Variants in AGBL1 observed in about 807,000 individuals in gnomAD.
AGBL1 encodes AGBL carboxypeptidase 1, also known as cytosolic carboxypeptidase 4.
A neutral mutation model predicts 118.9 loss-of-function variants in AGBL1; 130 were observed. The observed-to-expected ratio is 1.09, with a 90% CI of 0.95 to 1.26. The LOEUF is 1.26. Ranked by LOEUF, AGBL1 falls within the 50% of genes most tolerant of loss-of-function variation. The pLI, the probability that AGBL1 is intolerant of heterozygous loss-of-function variation, is 0.00. For synonymous variants in AGBL1, 555 were observed against 478.9 expected, an observed-to-expected ratio of 1.16 and a Z score of -2.08; for missense variants, 1,584 against 1,298.1, an observed-to-expected ratio of 1.22 and a Z score of -3.38.
At chr15:86,789,693 G>A (rs766281230) in intron 22 of AGBL1, among the ~76,000 whole-genome samples, 3 of 152,116 alleles carry the variant, frequency 2.0e-5, no homozygotes, top group Admixed American at 6.5e-5. Context: ...TTTGAAACAC[G>A]TGTAAGTTTT....
At chr15:86,966,101 A>G (rs1467404456) in intron 23 of AGBL1, among the ~76,000 whole-genome samples, 1 of 152,026 alleles carries the variant, frequency 6.6e-6, no homozygotes, top group Admixed American at 6.6e-5. Flanking sequence ...AATTTTGCCC[A>G]TCTGGGCCAT....
At chr15:86,591,646 C>G (rs1044859613) in intron 21 of AGBL1, among the ~76,000 whole-genome samples, 3 of 152,144 alleles carry the variant, frequency 2.0e-5, no homozygotes, top group African/African-American at 4.8e-5. Flanking sequence ...GAGCTTCCAT[C>G]CCCTCTCTAG....
At chr15:86,251,648 C>A (rs2078817348) in intron 7 of AGBL1, among the ~76,000 whole-genome samples, 1 of 152,074 alleles carries the variant, frequency 6.6e-6, no homozygotes, top group East Asian at 1.9e-4. Flanking sequence ...GGTGACCCTA[C>A]CTCTCTGTTT....
At chr15:86,848,384 T>C (rs1400000601) in intron 22 of AGBL1, among the ~76,000 whole-genome samples, 1 of 152,210 alleles carries the variant, frequency 6.6e-6, no homozygotes, top group Non-Finnish European at 1.5e-5. Flanking sequence ...CAATAAATTA[T>C]TTTGGAAAGA....
At chr15:86,291,175 A>T (rs917856903) in intron 16 of AGBL1, among the ~76,000 whole-genome samples, 1 of 152,264 alleles carries the variant, frequency 6.6e-6, no homozygotes, top group East Asian at 1.9e-4. Context: ...GAGCTTTTGT[A>T]TGTCTGAGCA....
At chr15:86,703,514 A>G (rs1007745533) in intron 22 of AGBL1, among the ~76,000 whole-genome samples, 2 of 152,160 alleles carry the variant, frequency 1.3e-5, no homozygotes, top group Non-Finnish European at 2.9e-5. Flanking sequence ...AAAAGCCTAG[A>G]ACAGTGCGAT....
chr15:86,211,476 C>T (rs73445692), intron 5 of AGBL1, among the ~76,000 whole-genome samples: 1,952 of 152,308 alleles, frequency 0.013, 40 homozygotes, highest in African/African-American at 0.044. Context: ...GGCCTTGCAG[C>T]GCTGCGGTGA....
intron 18 of AGBL1, among the ~76,000 whole-genome samples, chr15:86,465,090 G>A (rs754252962): frequency 3.3e-5 from 5 of 152,060 alleles, no homozygotes; most frequent in Non-Finnish European, 7.4e-5. Flanking sequence ...TCCGAACGGA[G>A]GGACCAGCTG....
At chr15:86,846,555 G>A (rs1217746831) in intron 22 of AGBL1, among the ~76,000 whole-genome samples, 4 of 152,000 alleles carry the variant, frequency 2.6e-5, no homozygotes, top group Admixed American at 6.6e-5. Context: ...GTTTTGAGAC[G>A]GAGTCTCCCT....
At chr15:86,757,735 C>T (rs1053679152) in intron 22 of AGBL1, among the ~76,000 whole-genome samples, 1 of 152,052 alleles carries the variant, frequency 6.6e-6, no homozygotes, top group African/African-American at 2.4e-5. Flanking sequence ...TCCTTTCTTT[C>T]CTCCCGCTGG....
chr15:86,956,104 G>C (rs1309596069), intron 23 of AGBL1, among the ~76,000 whole-genome samples: 2 of 151,964 alleles, frequency 1.3e-5, no homozygotes, highest in South Asian at 2.1e-4. Flanking sequence ...GACTATTAAT[G>C]GGTCCATTAA....
chr15:86,874,390 A>C (rs546973975), intron 22 of AGBL1, among the ~76,000 whole-genome samples: 1 of 151,996 alleles, frequency 6.6e-6, no homozygotes, highest in South Asian at 2.1e-4. Context: ...GGACACACAC[A>C]CACACACACA....
intron 22 of AGBL1, among the ~76,000 whole-genome samples, chr15:86,885,901 G>T (rs368886475): frequency 4.5e-4 from 69 of 152,126 alleles, no homozygotes; most frequent in Non-Finnish European, 1.6e-4. Context: ...CAACAAAAAG[G>T]CCTGTGTAAA....
Position 86,405,797 on chromosome 15 carries a change from C to T in AGBL1, c.2555+8251C>T, listed in dbSNP as rs115043037. ...TAGTACAAATCTAATACAAGGTTCG[C>T]GCAAGTGGTAGAAGTCTAAGTTCAA... is the stretch of plus-strand genomic sequence containing the variant. On this transcript the variant is annotated intron_variant, in intron 18 of 22. Transcript: ENST00000614907. Among the ~76,000 whole-genome samples, 716 of 151,712 alleles carry T rather than the reference C, an allele frequency of 4.7e-3. 7 individuals carry two copies. The highest frequency in any genetic ancestry group is 0.016 in the African/African-American group (680 of 41,318).
rs571522058 is a variant in AGBL1, at chr15:86,994,315, A to C, written c.3323+6227A>C. Among the ~76,000 whole-genome samples, 1,443 of 152,102 alleles carry C rather than the reference A, an allele frequency of 9.5e-3. 25 individuals carry two copies. Among genetic ancestry groups the C allele is most frequent in the Admixed American group, 0.035 (530 of 15,260 alleles). The stretch of plus-strand genomic sequence containing the variant: ...CAAGGGAATATCTCTCTCTCTCTAT[A>C]TATATATATCCTGGCCTGTGATCTC... On this transcript the variant is annotated intron_variant, in intron 24 of 24. Transcript: ENST00000441037.
intron 18 of AGBL1, among the ~76,000 whole-genome samples, chr15:86,401,275 G>A (rs529988504): frequency 2.0e-5 from 3 of 151,892 alleles, no homozygotes; most frequent in South Asian, 2.1e-4. Context: ...CTGTCTATTC[G>A]TGTCCTTTGA....
At chr15:86,442,042 C>G (rs2082070476) in intron 18 of AGBL1, among the ~76,000 whole-genome samples, 1 of 152,218 alleles carries the variant, frequency 6.6e-6, no homozygotes, top group South Asian at 2.1e-4. Flanking sequence ...GAGCCCAATA[C>G]CCTCAGGAAC....
At chr15:86,306,908 G>C (rs1489701742) in intron 17 of AGBL1, among the ~76,000 whole-genome samples, 1 of 152,124 alleles carries the variant, frequency 6.6e-6, no homozygotes. Context: ...GCATTTATCT[G>C]ATGATCACTG....
chr15:86,887,292 A>G (rs894706170), intron 22 of AGBL1, among the ~76,000 whole-genome samples: 2 of 152,094 alleles, frequency 1.3e-5, no homozygotes, highest in Non-Finnish European at 2.9e-5. Context: ...TTATCTATCA[A>G]ATCGATCTAT....
Sources: allele counts gnomAD v4.1 joint callset (sites outside exome capture counted in the v4.1 genomes callset), GRCh38; gene constraint gnomAD v4.1.1; transcripts MANE v1.5; gene names NCBI Gene and HGNC (gene_info 2026-07-23, HGNC 2026-07-21).